The following ZFPM2 variants were observed in gnomAD, a reference collection of about 807,000 sequenced individuals.
ZFPM2 encodes zinc finger protein, FOG family member 2, also known as zinc finger protein ZFPM2.
ZFPM2 carries 20 observed loss-of-function variants against 98.6 expected under a neutral mutation model. The observed-to-expected ratio is 0.20, with a 90% CI of 0.14 to 0.29. ZFPM2 has a LOEUF of 0.29. Ranked by LOEUF, ZFPM2 falls within the 10% of genes least tolerant of loss-of-function variation. The probability of loss-of-function intolerance (pLI) is 1.00; values close to 1 mark genes in which losing one functional copy is unlikely to be tolerated. For missense variants in ZFPM2, 1,310 were observed against 1,388.6 expected, an observed-to-expected ratio of 0.94 and a Z score of 0.90; for synonymous variants, 518 against 502.7, an observed-to-expected ratio of 1.03 and a Z score of -0.41.
intron 5 of ZFPM2, among the ~76,000 whole-genome samples, chr8:105,734,772 T>C (rs1812029759): frequency 6.6e-6 from 1 of 151,938 alleles, no homozygotes; most frequent in Non-Finnish European, 1.5e-5. Flanking sequence ...CACTCTGGTG[T>C]TGAAGTCTGC....
chr8:105,543,113 T>C (rs564728187), intron 3 of ZFPM2, among the ~76,000 whole-genome samples: 2 of 152,320 alleles, frequency 1.3e-5, no homozygotes, highest in South Asian at 4.1e-4. Context: ...TTGATTTGCA[T>C]TTCCATGATG....
chr8:105,338,059 T>A (rs1370867016), intron 1 of ZFPM2, among the ~76,000 whole-genome samples: 1 of 151,788 alleles, frequency 6.6e-6, no homozygotes, highest in Non-Finnish European at 1.5e-5. Flanking sequence ...AATCTCAAAT[T>A]AAAATGATTT....
intron 1 of ZFPM2, among the ~76,000 whole-genome samples, chr8:105,348,870 G>C (rs1455824276): frequency 6.6e-6 from 1 of 152,130 alleles, no homozygotes; most frequent in East Asian, 1.9e-4. Context: ...ATGATTATGA[G>C]GTTGAACAGC....
At chr8:105,608,139 T>TTGTGAACAAG (rs1816232556) in intron 4 of ZFPM2, among the ~76,000 whole-genome samples, 2 of 151,936 alleles carry the variant, frequency 1.3e-5, no homozygotes, top group Non-Finnish European at 2.9e-5. Context: ...TAATGAGGAC[T>TTGTGAACAAG]TGTGAACACA....
rs184846037 is a variant in ZFPM2, at chr8:105,575,795, A to G, written c.420+14314A>G. Among the ~76,000 whole-genome samples, 3 of 152,252 alleles carry G rather than the reference A, an allele frequency of 2.0e-5. No individual in the cohort carries two copies. The East Asian group carries it at 5.8e-4, about 29-fold the overall frequency. On this transcript the variant is annotated intron_variant, in intron 4 of 7. Transcript: ENST00000407775. ...TGAGCTCTGTACAAGTGGCCTGTAC[A>G]TTTTATATACTGTGGGTTCCTATTT...
rs562303625 is a variant in ZFPM2 at position 105,532,276 on chromosome 8, TG to T, written c.302-29086del. 2.0e-4 allele frequency among the ~76,000 whole-genome samples: 30 copies of T among 152,244 alleles called. No individual in the cohort carries two copies. In the South Asian group the frequency reaches 6.2e-3, roughly 32 times the overall value. ...GAAGAAAAATTATTTACAAAAGGAG[TG>T]CCTTATTTATATATGCATGTAAGTC... On this transcript the variant is annotated intron_variant, in intron 3 of 7. Coordinates refer to ENST00000407775, the MANE Select transcript of ZFPM2 (RefSeq NM_012082.4).
chr8:105,567,644 T>C (rs1815268584), intron 4 of ZFPM2, among the ~76,000 whole-genome samples: 1 of 152,078 alleles, frequency 6.6e-6, no homozygotes, highest in African/African-American at 2.4e-5. Context: ...GCCTCTAAGA[T>C]GTAATAATGA....
intron 1 of ZFPM2, among the ~76,000 whole-genome samples, chr8:105,394,260 G>T (rs1184161749): frequency 6.6e-6 from 1 of 152,152 alleles, no homozygotes; most frequent in Non-Finnish European, 1.5e-5. Context: ...GTTTGGATGG[G>T]AGCAAATCAA....
chr8:105,470,887 C>T (rs908114663), intron 3 of ZFPM2, among the ~76,000 whole-genome samples: 5 of 151,972 alleles, frequency 3.3e-5, no homozygotes, highest in Non-Finnish European at 5.9e-5. Flanking sequence ...ATTGTTTCCT[C>T]TTAAAAATTA....
chr8:105,383,003 T>C (rs1349825219), intron 1 of ZFPM2, among the ~76,000 whole-genome samples: 1 of 152,166 alleles, frequency 6.6e-6, no homozygotes, highest in East Asian at 1.9e-4. Context: ...GAAATATATA[T>C]TTAAATGAAT....
chr8:105,347,297 A>C (rs1350588802), intron 1 of ZFPM2, among the ~76,000 whole-genome samples: 1 of 152,206 alleles, frequency 6.6e-6, no homozygotes, highest in Non-Finnish European at 1.5e-5. Flanking sequence ...TAAAACTTCC[A>C]GTCATTGATG....
intron 3 of ZFPM2, among the ~76,000 whole-genome samples, chr8:105,516,537 G>T (rs544027831): frequency 1.2e-4 from 19 of 152,272 alleles, no homozygotes; most frequent in African/African-American, 4.3e-4. Flanking sequence ...TCTTCAAGAA[G>T]GTTGGTCTAT....
intron 3 of ZFPM2, among the ~76,000 whole-genome samples, chr8:105,479,205 G>T (rs1472703555): frequency 1.3e-5 from 2 of 152,072 alleles, no homozygotes; most frequent in Non-Finnish European, 2.9e-5. Flanking sequence ...TTTAAATTCA[G>T]ACCGATTTGT....
At chr8:105,548,681 A>G (rs1003487165) in intron 3 of ZFPM2, among the ~76,000 whole-genome samples, 4 of 152,146 alleles carry the variant, frequency 2.6e-5, no homozygotes, top group East Asian at 1.9e-4. Context: ...ATATTGCTTT[A>G]GTCCTTTGCC....
At position 105,550,975 on chromosome 8, in the gene ZFPM2, C is replaced by T. The variant is rs142566083; in HGVS notation, c.302-10388C>T. ...ATATGCGATTGTTAATCAGAGACTC[C>T]AGAATGACTAGGAAATGGCTGCAGC... On this transcript the variant is annotated intron_variant, in intron 3 of 7. Coordinates refer to ENST00000407775, the MANE Select transcript of ZFPM2 (RefSeq NM_012082.4). Among the ~76,000 whole-genome samples the T allele has an allele frequency of 2.4e-3, 358 of 152,214 alleles. 3 individuals carry two copies. Among genetic ancestry groups the T allele is most frequent in the African/African-American group, 8.4e-3 (348 of 41,542 alleles).
intron 3 of ZFPM2, among the ~76,000 whole-genome samples, chr8:105,494,182 A>AGT (rs1813411540): frequency 1.4e-4 from 6 of 41,984 alleles, no homozygotes; most frequent in African/African-American, 5.0e-4. Flanking sequence ...TGCCACCAAA[A>AGT]GTATATATAT....
rs1268057856 is a variant in ZFPM2 at position 105,493,356 on chromosome 8, T to G, written c.301+48975T>G. On this transcript the variant is annotated intron_variant, in intron 3 of 7. Coordinates refer to ENST00000407775, the MANE Select transcript of ZFPM2 (RefSeq NM_012082.4). ...GATATGGAAAGCATCAGAATCCTTTTTGGAAAAGCAGGTATTTGAAAGTGA... is the reference window on the plus strand; with the variant it reads ...GATATGGAAAGCATCAGAATCCTTTGTGGAAAAGCAGGTATTTGAAAGTGA... Among the ~76,000 whole-genome samples the G allele has an allele frequency of 3.3e-5, 5 of 152,198 alleles. No homozygotes were observed. The East Asian group carries it at 7.7e-4, about 23-fold the overall frequency.
chr8:105,373,084 T>TAA (rs1810655858), intron 1 of ZFPM2, among the ~76,000 whole-genome samples: 1 of 152,112 alleles, frequency 6.6e-6, no homozygotes, highest in African/African-American at 2.4e-5. Context: ...AAACAAGAAG[T>TAA]CCATTACTAT....
At chr8:105,489,466 A>ATATATATTT (rs1554610604) in intron 3 of ZFPM2, among the ~76,000 whole-genome samples, 2 of 119,810 alleles carry the variant, frequency 1.7e-5, no homozygotes, top group African/African-American at 7.2e-5. Context: ...ATATATATAT[A>ATATATATTT]TTTTTTTTTT....
Sources: gnomAD v4.1 joint callset for allele counts (sites outside exome capture counted in the v4.1 genomes callset) on GRCh38, gnomAD v4.1.1 for gene constraint, MANE v1.5 for transcripts, NCBI Gene and HGNC (gene_info 2026-07-23, HGNC 2026-07-21) for gene names.